The following RBFOX1 variants were observed in gnomAD, a reference collection of about 807,000 sequenced individuals.
The protein encoded by RBFOX1 is RNA binding fox-1 homolog 1, also known as RNA binding protein fox-1 homolog 1.
A neutral mutation model predicts 57.7 loss-of-function variants in RBFOX1; 8 were observed. The observed-to-expected ratio is 0.14, with a 90% confidence interval of 0.08 to 0.25. The LOEUF is 0.25. RBFOX1 is among the 10% of genes least tolerant of loss of function. The pLI, the probability that RBFOX1 is intolerant of heterozygous loss-of-function variation, is 1.00. For synonymous variants in RBFOX1, 326 were observed against 222.4 expected, an observed-to-expected ratio of 1.47 and a Z score of -4.15; for missense variants, 611 against 548.5, an observed-to-expected ratio of 1.11 and a Z score of -1.14.
intron 4 of RBFOX1, among the ~76,000 whole-genome samples, chr16:5,963,247 G>A (rs576828408): frequency 6.6e-6 from 1 of 152,166 alleles, no homozygotes; most frequent in African/African-American, 2.4e-5. Flanking sequence ...CAAAGGTTTG[G>A]TTCTTGCTCC....
chr16:5,988,236 C>T (rs779370444), intron 4 of RBFOX1, among the ~76,000 whole-genome samples: 1 of 152,112 alleles, frequency 6.6e-6, no homozygotes, highest in Admixed American at 6.5e-5. Context: ...TTTTCCCCCT[C>T]ACTAATATCC....
At chr16:5,498,390 T>A (rs571793165) in intron 2 of RBFOX1, among the ~76,000 whole-genome samples, 1 of 152,290 alleles carries the variant, frequency 6.6e-6, no homozygotes, top group East Asian at 1.9e-4. Flanking sequence ...GTTATCTACA[T>A]GCCTCAGCCT....
chr16:7,576,317 C>G (rs912566325), intron 5 of RBFOX1, among the ~76,000 whole-genome samples: 4 of 152,116 alleles, frequency 2.6e-5, no homozygotes, highest in African/African-American at 9.7e-5. Flanking sequence ...CAGGGATGGT[C>G]TGTGTGATTC....
chr16:5,271,244 C>G (rs554720436), intron 1 of RBFOX1, among the ~76,000 whole-genome samples: 2 of 152,142 alleles, frequency 1.3e-5, no homozygotes, highest in Non-Finnish European at 2.9e-5. Context: ...GTCTCAGCTA[C>G]TCTGAAGGCT....
intron 1 of RBFOX1, among the ~76,000 whole-genome samples, chr16:5,308,587 T>A (rs974321533): frequency 3.3e-5 from 5 of 152,198 alleles, no homozygotes; most frequent in African/African-American, 1.2e-4. Flanking sequence ...AACAAATTGT[T>A]ATTTTGACTA....
intron 4 of RBFOX1, among the ~76,000 whole-genome samples, chr16:7,290,502 A>G (rs193296463): frequency 2.0e-3 from 310 of 152,288 alleles, no homozygotes; most frequent in Non-Finnish European, 3.3e-3. Context: ...CACAGACACT[A>G]TTTTCAAAAG....
chr16:7,248,566 T>C (rs2094396879), intron 4 of RBFOX1, among the ~76,000 whole-genome samples: 2 of 152,334 alleles, frequency 1.3e-5, no homozygotes, highest in Admixed American at 6.5e-5. Flanking sequence ...ATCTCAGCCA[T>C]GAGCCACCTT....
chr16:6,672,094 C>T (rs1283079868), intron 3 of RBFOX1, among the ~76,000 whole-genome samples: 1 of 152,160 alleles, frequency 6.6e-6, no homozygotes, highest in African/African-American at 2.4e-5. Flanking sequence ...GTTTCAAAGA[C>T]CGTAGGTCCA....
At chr16:5,683,185 C>T (rs1258911408) in intron 3 of RBFOX1, among the ~76,000 whole-genome samples, 1 of 151,976 alleles carries the variant, frequency 6.6e-6, no homozygotes, top group Non-Finnish European at 1.5e-5. Context: ...AGATCCTTGG[C>T]CAAGTCTCTC....
chr16:6,571,657 C>T (rs1009737394), intron 2 of RBFOX1, among the ~76,000 whole-genome samples: 2 of 152,046 alleles, frequency 1.3e-5, no homozygotes, highest in Non-Finnish European at 2.9e-5. Flanking sequence ...TTCTCTTGAG[C>T]CTGCTGAAGG....
intron 3 of RBFOX1, among the ~76,000 whole-genome samples, chr16:7,043,116 A>G (rs2046729875): frequency 6.6e-6 from 1 of 151,764 alleles, no homozygotes; most frequent in Non-Finnish European, 1.5e-5. Context: ...ATCCTTGGGG[A>G]GGTCCTCCCG....
intron 4 of RBFOX1, among the ~76,000 whole-genome samples, chr16:7,225,046 T>A (rs2093004869): frequency 6.6e-6 from 1 of 152,058 alleles, no homozygotes; most frequent in Non-Finnish European, 1.5e-5. Flanking sequence ...GTTGCCGGAG[T>A]TAAATAAAGT....
chr16:6,170,034 G>A (rs1460896389), intron 1 of RBFOX1, among the ~76,000 whole-genome samples: 16 of 152,148 alleles, frequency 1.1e-4, no homozygotes, highest in Admixed American at 1.0e-3. Flanking sequence ...CTCCCAAAGT[G>A]CTAGATTACA....
At chr16:7,116,382 C>T (rs1289562119) in intron 4 of RBFOX1, among the ~76,000 whole-genome samples, 1 of 152,128 alleles carries the variant, frequency 6.6e-6, no homozygotes, top group African/African-American at 2.4e-5. Context: ...TATTATGTTT[C>T]ACAGCCATGG....
chr16:6,780,935 T>G (rs749464063), intron 3 of RBFOX1, among the ~76,000 whole-genome samples: 72 of 152,084 alleles, frequency 4.7e-4, no homozygotes, highest in Non-Finnish European at 8.2e-4. Flanking sequence ...TTTCTTCCAT[T>G]TTGTAGGTTG....
At chr16:7,700,285 G>C (rs1387610042) in intron 14 of RBFOX1, among the ~76,000 whole-genome samples, 1 of 152,146 alleles carries the variant, frequency 6.6e-6, no homozygotes. Context: ...TCCTTAACTA[G>C]TAATCATAAC....
Position 5,565,550 on chromosome 16 carries a change from G to A in RBFOX1, c.259-33352G>A, listed in dbSNP as rs181994387. On this transcript the variant is annotated intron_variant, in intron 2 of 2. Coordinates refer to the RBFOX1 transcript ENST00000585867. ...TGAGGCAGGAGAATCACTTGAACCC[G>A]GGAGGCGGAGTTCGTGGTGAGCTGA... 4.3e-3 allele frequency among the ~76,000 whole-genome samples: 653 copies of A among 152,044 alleles called. 6 individuals are homozygous for A. Among genetic ancestry groups the A allele is most frequent in the African/African-American group, 0.015 (627 of 41,482 alleles).
At chr16:7,252,670 A>G (rs2094537490) in intron 4 of RBFOX1, among the ~76,000 whole-genome samples, 1 of 149,302 alleles carries the variant, frequency 6.7e-6, no homozygotes, top group African/African-American at 2.5e-5. Context: ...TACTTGTCCT[A>G]GACGTAACCT....
chr16:6,057,464 T>G (rs1016280231), intron 1 of RBFOX1, among the ~76,000 whole-genome samples: 2 of 152,138 alleles, frequency 1.3e-5, no homozygotes, highest in African/African-American at 4.8e-5. Flanking sequence ...TCAACCAATA[T>G]TTATTGAGGG....
Sources: allele counts gnomAD v4.1 joint callset (sites outside exome capture counted in the v4.1 genomes callset), GRCh38; gene constraint gnomAD v4.1.1; transcripts MANE v1.5; gene names NCBI Gene and HGNC (gene_info 2026-07-23, HGNC 2026-07-21).